ADCY8: variants seen among roughly 807,000 people sequenced by gnomAD.
ADCY8 encodes the protein adenylate cyclase type 8.
In ADCY8, 51 loss-of-function variants were observed where a neutral mutation model predicts 119.7. The ratio of observed to expected loss-of-function variants is 0.43; its 90% CI spans 0.34 to 0.54. The LOEUF (loss-of-function observed/expected upper bound fraction) is 0.54. ADCY8 is among the 20% of genes least tolerant of loss of function. ADCY8 has a pLI of 0.03. For missense variants in ADCY8, 1,383 were observed against 1,598.8 expected, an observed-to-expected ratio of 0.87 and a Z score of 2.30; for synonymous variants, 665 against 651.0, an observed-to-expected ratio of 1.02 and a Z score of -0.33.
At chr8:130,848,263 G>A (rs1817396239) in intron 10 of ADCY8, among the ~76,000 whole-genome samples, 1 of 152,114 alleles carries the variant, frequency 6.6e-6, no homozygotes, top group African/African-American at 2.4e-5. Context: ...TGGCCTCAGA[G>A]GTAACCCTGA....
chr8:130,853,985 C>T (rs1178099722), intron 9 of ADCY8, among the ~76,000 whole-genome samples: 1 of 152,156 alleles, frequency 6.6e-6, no homozygotes, highest in Non-Finnish European at 1.5e-5. Flanking sequence ...AATGTTAGTT[C>T]TCTTTCTCTA....
chr8:130,840,439 A>C lies in ADCY8; in HGVS notation c.2503-3990T>G, dbSNP rs954325703. On this transcript the variant is annotated intron_variant, in intron 11 of 17. Coordinates refer to ENST00000286355, the MANE Select transcript of ADCY8 (RefSeq NM_001115.3). ...GCATTTTTGGGGATGTGAGGAGGAG[A>C]ACTAGAAGACAATAGTGAAGAAACA... Among the ~76,000 whole-genome samples the C allele has an allele frequency of 4.6e-5, 7 of 150,648 alleles. 1 individual carries two copies. Among genetic ancestry groups the C allele is most frequent in the African/African-American group, 1.7e-4 (7 of 41,366 alleles).
chr8:130,891,853 ATAAGCAAGG>A (rs1038038276), intron 7 of ADCY8, among the ~76,000 whole-genome samples: 2 of 152,188 alleles, frequency 1.3e-5, no homozygotes, highest in African/African-American at 4.8e-5. Context: ...ACCATTTCCC[ATAAGCAAGG>A]TATCTTAGTT....
intron 1 of ADCY8, among the ~76,000 whole-genome samples, chr8:131,005,038 G>C (rs922894813): frequency 6.6e-6 from 1 of 152,072 alleles, no homozygotes; most frequent in African/African-American, 2.4e-5. Context: ...CCTGGCTCAG[G>C]GATACAGAAC....
chr8:130,853,336 C>A (rs546932501), intron 9 of ADCY8, among the ~76,000 whole-genome samples: 1 of 152,200 alleles, frequency 6.6e-6, no homozygotes, highest in Non-Finnish European at 1.5e-5. Flanking sequence ...CAGATGGCAC[C>A]GTCTCAGGTC....
chr8:130,921,016 A>G (rs1026326044), intron 5 of ADCY8, among the ~76,000 whole-genome samples: 1 of 152,238 alleles, frequency 6.6e-6, no homozygotes, highest in African/African-American at 2.4e-5. Context: ...TAAGTAATAC[A>G]CACCCTGTTG....
chr8:130,892,688 A>G (rs1819229974), intron 7 of ADCY8: 1 of 152,266 alleles, frequency 6.6e-6, no homozygotes, highest in Non-Finnish European at 1.5e-5. Context: ...CTCCTGGGTC[A>G]TGGCTTTAGA....
chr8:130,984,757 G>T lies in ADCY8; in HGVS notation c.1110+5636C>A, dbSNP rs180927988. On this transcript the variant is annotated intron_variant, in intron 2 of 17. Transcript: ENST00000286355. The stretch of plus-strand genomic sequence containing the variant: ...GTTGATGTGAAAGGATCAGGTACAA[G>T]CGTGTATCACAGAGAAAGAGGAGTA... Among the ~76,000 whole-genome samples, 232 of 152,296 alleles carry T rather than the reference G, an allele frequency of 1.5e-3. 2 individuals are homozygous for T. The highest frequency in any genetic ancestry group is 3.9e-4 in the East Asian group (2 of 5,182).
At chr8:130,893,425 G>T (rs1174309125) in intron 7 of ADCY8, among the ~76,000 whole-genome samples, 2 of 152,130 alleles carry the variant, frequency 1.3e-5, no homozygotes, top group African/African-American at 4.8e-5. Flanking sequence ...CACAGGGTAG[G>T]TGTGAATTGA....
intron 6 of ADCY8, among the ~76,000 whole-genome samples, chr8:130,905,972 A>T (rs1819771455): frequency 6.6e-6 from 1 of 152,254 alleles, no homozygotes; most frequent in South Asian, 2.1e-4. Flanking sequence ...CCTTACAGAA[A>T]GAATAGTTCA....
chr8:130,946,707 T>C (rs996788591), intron 3 of ADCY8, among the ~76,000 whole-genome samples: 1 of 152,202 alleles, frequency 6.6e-6, no homozygotes. Flanking sequence ...TTGGCCCTAT[T>C]ACATGTTTCC....
At chr8:131,005,561 C>T (rs747439111) in intron 1 of ADCY8, among the ~76,000 whole-genome samples, 4 of 152,202 alleles carry the variant, frequency 2.6e-5, no homozygotes, top group Non-Finnish European at 5.9e-5. Context: ...CCACTCTTTG[C>T]CCAGAAAAGT....
chr8:130,825,679 A>G (rs1030356024), intron 12 of ADCY8, among the ~76,000 whole-genome samples: 1 of 152,246 alleles, frequency 6.6e-6, no homozygotes, highest in African/African-American at 2.4e-5. Context: ...TGTTTTCTGC[A>G]ACAGTATGGT....
chr8:130,951,846 G>A (rs377183932), intron 3 of ADCY8, 22 bp downstream of exon 3: 4 of 1,613,258 alleles, frequency 2.5e-6, no homozygotes, highest in Non-Finnish European at 3.4e-6. Flanking sequence ...AAGAGCCGGG[G>A]CAAGGGTGTT....
At chr8:131,029,117 A>G (rs1823913111) in intron 1 of ADCY8, among the ~76,000 whole-genome samples, 1 of 152,206 alleles carries the variant, frequency 6.6e-6, no homozygotes, top group Non-Finnish European at 1.5e-5. Flanking sequence ...TGGTGGCATT[A>G]GATTCTCATA....
At chr8:130,924,572 T>A (rs1412399905) in intron 5 of ADCY8, among the ~76,000 whole-genome samples, 1 of 152,234 alleles carries the variant, frequency 6.6e-6, no homozygotes, top group Non-Finnish European at 1.5e-5. Flanking sequence ...TATGTCTTAT[T>A]TGCTGTCTCT....
chr8:130,895,737 C>T (rs887824415), intron 7 of ADCY8, among the ~76,000 whole-genome samples: 8 of 152,028 alleles, frequency 5.3e-5, no homozygotes, highest in African/African-American at 1.9e-4. Context: ...CCTAAGTCTG[C>T]AGATGTCTTA....
chr8:130,857,287 G>C (rs1817773942), intron 9 of ADCY8, among the ~76,000 whole-genome samples: 1 of 151,916 alleles, frequency 6.6e-6, no homozygotes, highest in Non-Finnish European at 1.5e-5. Context: ...CATGAGCCCT[G>C]TCCCAATGAT....
intron 15 of ADCY8, among the ~76,000 whole-genome samples, chr8:130,799,053 A>T (rs898497982): frequency 6.6e-6 from 1 of 152,166 alleles, no homozygotes; most frequent in Non-Finnish European, 1.5e-5. Context: ...ACAAGTACAT[A>T]TGACATCACT....
Sources: gnomAD v4.1 joint callset for allele counts (sites outside exome capture counted in the v4.1 genomes callset) on GRCh38, gnomAD v4.1.1 for gene constraint, MANE v1.5 for transcripts, NCBI Gene and HGNC (gene_info 2026-07-23, HGNC 2026-07-21) for gene names.